PDE1A: variants seen among roughly 807,000 people sequenced by gnomAD.
PDE1A encodes the protein dual specificity calcium/calmodulin-dependent 3',5'-cyclic nucleotide phosphodiesterase 1A.
A neutral mutation model predicts 61.7 loss-of-function variants in PDE1A; 35 were observed. That is an observed-to-expected ratio of 0.57 (90% CI 0.43 to 0.75). The LOEUF is 0.75. PDE1A is among the 30% of genes least tolerant of loss of function. The probability of loss-of-function intolerance (pLI) is 0.00; values close to 1 mark genes in which losing one functional copy is unlikely to be tolerated. For synonymous variants in PDE1A, 232 were observed against 213.2 expected (o/e 1.09, Z -0.77); for missense variants, 597 against 630.6 (o/e 0.95, Z 0.57).
intron 2 of PDE1A, among the ~76,000 whole-genome samples, chr2:182,441,277 G>T (rs1684775889): frequency 6.6e-6 from 1 of 152,056 alleles, no homozygotes; most frequent in Non-Finnish European, 1.5e-5. Context: ...TTCAAGGTGA[G>T]ATTTGGGTGG....
At chr2:182,262,403 C>A (rs1692291381) in intron 2 of PDE1A, among the ~76,000 whole-genome samples, 1 of 152,014 alleles carries the variant, frequency 6.6e-6, no homozygotes, top group South Asian at 2.1e-4. Flanking sequence ...ATAGCTGGGA[C>A]TACAGACACA....
chr2:182,516,913 A>C (rs377696508), intron 2 of PDE1A, among the ~76,000 whole-genome samples: 6 of 151,522 alleles, frequency 4.0e-5, no homozygotes, highest in East Asian at 1.9e-4. Context: ...GTAATACAGG[A>C]TACGCTCCCT....
chr2:182,316,549 T>C (rs1450909630), intron 1 of PDE1A, among the ~76,000 whole-genome samples: 1 of 152,208 alleles, frequency 6.6e-6, no homozygotes, highest in Non-Finnish European at 1.5e-5. Context: ...GAATTTGCAA[T>C]GTCAGTTTTG....
intron 1 of PDE1A, among the ~76,000 whole-genome samples, chr2:182,324,026 TA>T (rs2124869272): frequency 6.6e-6 from 1 of 152,224 alleles, no homozygotes; most frequent in South Asian, 2.1e-4. Flanking sequence ...TTAAGAACCA[TA>T]GGAGAGTGAA....
intron 10 of PDE1A, among the ~76,000 whole-genome samples, chr2:182,197,493 ATCT>A (rs1267198842): frequency 6.7e-6 from 1 of 148,718 alleles, no homozygotes. Flanking sequence ...GATTAGAGAG[ATCT>A]TCTCTTGCGT....
intron 1 of PDE1A, among the ~76,000 whole-genome samples, chr2:182,297,533 C>T (rs929365626): frequency 4.6e-5 from 7 of 152,286 alleles, no homozygotes; most frequent in African/African-American, 1.2e-4. Flanking sequence ...AACAGTCTAA[C>T]GTAGGATTAC....
the PDE1A span, among the ~76,000 whole-genome samples, chr2:182,670,900 C>G: frequency 6.6e-6 from 1 of 151,522 alleles, no homozygotes; most frequent in African/African-American, 2.4e-5. Context: ...TCACTGCAAC[C>G]TTTGCCTCCT....
intron 1 of PDE1A, among the ~76,000 whole-genome samples, chr2:182,325,364 T>C (rs1220895002): frequency 6.6e-6 from 1 of 151,918 alleles, no homozygotes; most frequent in Non-Finnish European, 1.5e-5. Context: ...TAAAAAATCA[T>C]AGAAGGAAAC....
intron 1 of PDE1A, among the ~76,000 whole-genome samples, chr2:182,404,046 AT>A (rs35122269): frequency 0.73 from 111,170 of 151,736 alleles, 41,036 homozygotes; most frequent in East Asian, 0.96. Context: ...ATAGGAACAA[AT>A]TTTTTTTTTA....
At chr2:182,173,316 A>G (rs1692417131) in intron 13 of PDE1A, among the ~76,000 whole-genome samples, 1 of 152,044 alleles carries the variant, frequency 6.6e-6, no homozygotes, top group South Asian at 2.1e-4. Context: ...GTAATAAAGG[A>G]ATGAGTGAAT....
the PDE1A span, among the ~76,000 whole-genome samples, chr2:182,539,108 A>G: frequency 6.6e-6 from 1 of 152,204 alleles, no homozygotes; most frequent in African/African-American, 2.4e-5. Flanking sequence ...TGGTCCAGCC[A>G]CACTGGCCTT....
At chr2:182,652,556 A>G in the PDE1A span, among the ~76,000 whole-genome samples, 1 of 152,246 alleles carries the variant, frequency 6.6e-6, no homozygotes, top group African/African-American at 2.4e-5. Context: ...CCCCAGCCAC[A>G]GCCGGATAAA....
At chr2:182,527,303 TAAAAAAAAA>T (rs869281717), upstream of PDE1A, among the ~76,000 whole-genome samples, 3,675 of 22,826 alleles carry the variant, frequency 0.16, 277 homozygotes, top group Middle Eastern at 0.29. Flanking sequence ...CCTTTCTCTA[TAAAAAAAAA>T]AAAAAAAAAA....
intron 1 of PDE1A, among the ~76,000 whole-genome samples, chr2:182,264,878 C>CATATACATATATATATATAT (rs1692500859): frequency 9.4e-6 from 1 of 106,878 alleles, no homozygotes; most frequent in Admixed American, 1.1e-4. Context: ...TATATATATA[C>CATATACATATATATATATAT]ATATATATAT....
intron 1 of PDE1A, among the ~76,000 whole-genome samples, chr2:182,392,080 G>C (rs1046321350): frequency 6.6e-6 from 1 of 151,964 alleles, no homozygotes; most frequent in Non-Finnish European, 1.5e-5. Flanking sequence ...CCTTCCCCAG[G>C]GAGACATCCA....
At chr2:182,594,532 AT>A in the PDE1A span, among the ~76,000 whole-genome samples, 1 of 152,212 alleles carries the variant, frequency 6.6e-6, no homozygotes, top group African/African-American at 2.4e-5. Flanking sequence ...CATTCCTCAA[AT>A]TCTTTTTGAC....
At chr2:182,242,097 A>C (rs1559240986) in intron 2 of PDE1A, 2 of 1,280,050 alleles carry the variant, frequency 1.6e-6, no homozygotes, top group Non-Finnish European at 2.0e-6. Flanking sequence ...TGCTCCAAGC[A>C]TTCCACTGCA....
At chr2:182,143,774 C>T (rs1421070242), downstream of PDE1A, among the ~76,000 whole-genome samples, 1 of 152,182 alleles carries the variant, frequency 6.6e-6, no homozygotes, top group African/African-American at 2.4e-5. Flanking sequence ...CTCGGCCTAC[C>T]AAAGTGCTGG....
intron 1 of PDE1A, among the ~76,000 whole-genome samples, chr2:182,326,779 G>T (rs1279861894): frequency 2.6e-5 from 4 of 152,032 alleles, no homozygotes; most frequent in African/African-American, 4.8e-5. Context: ...GTAAGAGTGA[G>T]TTAGAAGCCC....
Sources: allele counts gnomAD v4.1 joint callset (sites outside exome capture counted in the v4.1 genomes callset), GRCh38; gene constraint gnomAD v4.1.1; transcripts MANE v1.5; gene names NCBI Gene and HGNC (gene_info 2026-07-23, HGNC 2026-07-21).